The following PTBP2 variants were observed in gnomAD, a reference collection of about 807,000 sequenced individuals.
PTBP2 encodes the protein polypyrimidine tract-binding protein 2.
A neutral mutation model predicts 61.4 loss-of-function variants in PTBP2; 13 were observed. The observed-to-expected ratio is 0.21, with a 90% CI of 0.14 to 0.34. The LOEUF (loss-of-function observed/expected upper bound fraction) is 0.34, where lower values mean the gene tolerates loss of function less well. Among genes scored for constraint, PTBP2 ranks in the 10% least tolerant of loss-of-function variants. PTBP2 has a pLI of 1.00. For synonymous variants in PTBP2, 215 were observed against 218.5 expected (o/e 0.98, Z 0.14); for missense variants, 405 against 642.6 (o/e 0.63, Z 4.00).
At chr1:96,769,097 A>C (rs1490297851) in intron 3 of PTBP2, among the ~76,000 whole-genome samples, 2 of 152,032 alleles carry the variant, frequency 1.3e-5, no homozygotes, top group Non-Finnish European at 2.9e-5. Flanking sequence ...TCTCGGAGAA[A>C]TGCATTGTTA....
intron 2 of PTBP2, among the ~76,000 whole-genome samples, chr1:96,746,052 T>C (rs1418710089): frequency 6.7e-6 from 1 of 148,528 alleles, no homozygotes; most frequent in African/African-American, 2.5e-5. Context: ...TGTGACAGAC[T>C]GAGACTCCAT....
chr1:96,803,391 C>A (rs1269787674), intron 8 of PTBP2, among the ~76,000 whole-genome samples: 1 of 148,898 alleles, frequency 6.7e-6, no homozygotes, highest in African/African-American at 2.5e-5. Flanking sequence ...AAATGTATAG[C>A]CATAAAAAAA....
At chr1:96,810,796 A>G (rs1662007518) in intron 11 of PTBP2, among the ~76,000 whole-genome samples, 1 of 152,200 alleles carries the variant, frequency 6.6e-6, no homozygotes, top group Non-Finnish European at 1.5e-5. Flanking sequence ...TAGTTATAGA[A>G]CTTTAAAATT....
Position 96,751,468 on chromosome 1 carries a change from C to T in PTBP2, c.83C>T (p.Pro28Leu), listed in dbSNP as rs777661733. ...CTCTCAGGCAGTGTTCTCAGTAGTC[C>T]GAACTCTAATATGAGCAGCATGGTA... ...ELLSGSVLSS[P>L]NSNMSSMVVT... Residue 28 changes from proline to leucine, a missense_variant, in exon 3 of 14, where the codon CCG becomes CTG. Pro to Leu is a moderately conservative substitution (Grantham distance 98, BLOSUM62 -3). Around this residue, in one of 4 missense-constraint regions of PTBP2, gnomAD observed 342 missense variants for 491.2 expected, o/e 0.70. Transcript: ENST00000674951. 2 of 1,612,566 alleles carry T rather than the reference C, an allele frequency of 1.2e-6. No homozygotes were observed. The highest frequency in any genetic ancestry group is 1.3e-5 in the African/African-American group (1 of 74,752).
chr1:96,753,598 A>G (rs1012603529), intron 3 of PTBP2, among the ~76,000 whole-genome samples: 14 of 152,106 alleles, frequency 9.2e-5, no homozygotes, highest in African/African-American at 3.4e-4. Context: ...CATGAAATAT[A>G]AAGAACACAT....
At chr1:96,729,675 AG>A (rs1361658012) in intron 2 of PTBP2, among the ~76,000 whole-genome samples, 1 of 151,172 alleles carries the variant, frequency 6.6e-6, no homozygotes, top group Non-Finnish European at 1.5e-5. Flanking sequence ...CTGTAGAACT[AG>A]TCCATTTCCT....
chr1:96,791,458 T>G (rs1350884539), intron 8 of PTBP2, among the ~76,000 whole-genome samples: 1 of 152,216 alleles, frequency 6.6e-6, no homozygotes, highest in Non-Finnish European at 1.5e-5. Context: ...GTTTTTGGGT[T>G]TCTTGAACCA....
At chr1:96,803,843 T>C (rs1661258240) in intron 8 of PTBP2, among the ~76,000 whole-genome samples, 1 of 152,210 alleles carries the variant, frequency 6.6e-6, no homozygotes, top group African/African-American at 2.4e-5. Flanking sequence ...TTTGGGTGTT[T>C]GTTCCTTTAT....
chr1:96,815,901 A>C (rs1192942941), downstream of PTBP2: 1 of 152,204 alleles, frequency 6.6e-6, no homozygotes, highest in African/African-American at 2.4e-5. Context: ...AAAGTCTAAA[A>C]AACCAATACC....
intron 9 of PTBP2, among the ~76,000 whole-genome samples, chr1:96,805,891 T>C (rs942050288): frequency 9.2e-5 from 14 of 152,146 alleles, no homozygotes; most frequent in African/African-American, 3.4e-4. Context: ...TATGTTGAGA[T>C]GAAATGCTGT....
At chr1:96,822,059 GTTAAAA>G (rs1557791091) in exon 14 of PTBP2, 6 of 152,186 alleles carry the variant, frequency 3.9e-5, no homozygotes, top group South Asian at 4.1e-4. Context: ...GATTTTTGCC[GTTAAAA>G]TTAGAAAAAC....
intron 3 of PTBP2, among the ~76,000 whole-genome samples, chr1:96,764,802 G>T (rs1656472441): frequency 6.6e-6 from 1 of 152,126 alleles, no homozygotes; most frequent in Admixed American, 6.5e-5. Flanking sequence ...CTATTTATGA[G>T]GGTTTTAACA....
intron 7 of PTBP2, among the ~76,000 whole-genome samples, chr1:96,781,553 C>T (rs1315662588): frequency 6.6e-6 from 1 of 151,876 alleles, no homozygotes; most frequent in African/African-American, 2.4e-5. Flanking sequence ...TTTTTCTCTT[C>T]ATCTCTTTAT....
At chr1:96,815,498 A>G (rs912048163), downstream of PTBP2, 2 of 152,188 alleles carry the variant, frequency 1.3e-5, no homozygotes, top group African/African-American at 2.4e-5. Context: ...TTAAGCAGTT[A>G]CAATTAGGGT....
chr1:96,793,579 G>A (rs1660075277), intron 8 of PTBP2, among the ~76,000 whole-genome samples: 1 of 152,002 alleles, frequency 6.6e-6, no homozygotes, highest in Non-Finnish European at 1.5e-5. Flanking sequence ...CACCGTGTTA[G>A]CCAGGATGGT....
intron 2 of PTBP2, among the ~76,000 whole-genome samples, chr1:96,743,969 G>A (rs1452501127): frequency 6.6e-6 from 1 of 152,072 alleles, no homozygotes; most frequent in African/African-American, 2.4e-5. Context: ...CACAAGGTCA[G>A]GAGCTTGAGA....
At chr1:96,763,553 CAGAGGGAGACTGTGGAAAGAGAGGG>C (rs980069922) in intron 3 of PTBP2, among the ~76,000 whole-genome samples, 3 of 133,192 alleles carry the variant, frequency 2.3e-5, no homozygotes, top group South Asian at 2.8e-4. Context: ...GGCTCGTCAT[CAGAGGGAGACTGTGGAAAGAGAGGG>C]AGAGGGAGAC....
At chr1:96,740,767 G>T (rs1255615740) in intron 2 of PTBP2, among the ~76,000 whole-genome samples, 3 of 151,572 alleles carry the variant, frequency 2.0e-5, no homozygotes, top group South Asian at 2.1e-4. Context: ...TTCTTGTTCA[G>T]TGTTATTTTT....
chr1:96,800,255 C>G (rs2101155527), intron 8 of PTBP2, among the ~76,000 whole-genome samples: 1 of 152,134 alleles, frequency 6.6e-6, no homozygotes, highest in African/African-American at 2.4e-5. Context: ...CTTGTATTCC[C>G]TTTTTTGGTA....
Sources: gnomAD v4.1 joint callset for allele counts (sites outside exome capture counted in the v4.1 genomes callset) on GRCh38, gnomAD v4.1.1 for gene constraint, gnomAD v4.1.1 regional missense constraint, MANE v1.5 for transcripts, NCBI Gene and HGNC (gene_info 2026-07-23, HGNC 2026-07-21) for gene names.